The following GRIP1 variants were observed in gnomAD, a reference collection of about 807,000 sequenced individuals.
GRIP1 encodes glutamate receptor-interacting protein 1.
In GRIP1, 45 loss-of-function variants were observed where a neutral mutation model predicts 129.9. The ratio of observed to expected loss-of-function variants is 0.35; its 90% CI spans 0.27 to 0.44. The LOEUF (loss-of-function observed/expected upper bound fraction) is 0.44. GRIP1 is among the 20% of genes least tolerant of loss of function. The pLI, the probability that GRIP1 is intolerant of heterozygous loss-of-function variation, is 1.00. For synonymous variants in GRIP1, 530 were observed against 520.8 expected, an observed-to-expected ratio of 1.02 and a Z score of -0.24; for missense variants, 1,196 against 1,396.8, an observed-to-expected ratio of 0.86 and a Z score of 2.29.
chr12:66,443,878 T>C (rs1452596171), intron 13 of GRIP1, among the ~76,000 whole-genome samples: 23 of 152,236 alleles, frequency 1.5e-4, no homozygotes, highest in Non-Finnish European at 5.9e-5. Flanking sequence ...CCAACTGGGC[T>C]TGTTTAAATA....
chr12:66,665,347 T>G (rs1467037919), intron 1 of GRIP1, among the ~76,000 whole-genome samples: 1 of 152,164 alleles, frequency 6.6e-6, no homozygotes, highest in Non-Finnish European at 1.5e-5. Context: ...ACACAAAGAA[T>G]AGTACACAAT....
chr12:66,590,027 G>C (rs1305948266), intron 2 of GRIP1, among the ~76,000 whole-genome samples: 1 of 152,044 alleles, frequency 6.6e-6, no homozygotes, highest in East Asian at 1.9e-4. Flanking sequence ...GTAATAGAGG[G>C]AAGAGACTTT....
Position 66,767,365 on chromosome 12 carries a change from G to A in GRIP1, c.-420+36688C>T, listed in dbSNP as rs189964909. 8.5e-5 allele frequency among the ~76,000 whole-genome samples: 13 copies of A among 152,114 alleles called. No homozygotes were observed. In the East Asian group the frequency reaches 2.3e-3, roughly 27 times the overall value. On this transcript the variant is annotated intron_variant, in intron 1 of 4. Transcript: ENST00000538373. ...CAAAAGAAGCATCTAAGGACAAGAG[G>A]CTTAGGAAAAAACAAAGCCACAAAG... is the stretch of plus-strand genomic sequence containing the variant.
Position 66,942,708 on chromosome 12 carries a change from T to C in GRIP1, c.58+126342A>G, listed in dbSNP as rs140840333. On this transcript the variant is annotated intron_variant, in intron 1 of 1. Transcript: ENST00000643019. ...CTGTGACTTGGTAAAGAGGGGGCAG[T>C]GTAATGGACTGCATGTTTGTGTCCC... 5.3e-5 allele frequency among the ~76,000 whole-genome samples: 8 copies of C among 152,256 alleles called. No homozygotes were observed. The East Asian group carries it at 1.5e-3, about 29-fold the overall frequency.
chr12:66,546,641 C>G (rs150122618), intron 2 of GRIP1, among the ~76,000 whole-genome samples: 2,926 of 152,168 alleles, frequency 0.019, 49 homozygotes, highest in Non-Finnish European at 0.029. Flanking sequence ...GAAAGGTAGC[C>G]TATTCAACAA....
At chr12:66,508,482 G>A (rs761330175) in intron 7 of GRIP1, among the ~76,000 whole-genome samples, 3 of 152,136 alleles carry the variant, frequency 2.0e-5, no homozygotes, top group Non-Finnish European at 4.4e-5. Context: ...AAGTATTACA[G>A]AGAGTGCTCC....
chr12:67,045,355 G>A (rs957713931), intron 1 of GRIP1, among the ~76,000 whole-genome samples: 3 of 152,144 alleles, frequency 2.0e-5, no homozygotes, highest in Non-Finnish European at 4.4e-5. Flanking sequence ...AAGAAAGCAG[G>A]AGAATCCTGA....
At chr12:66,751,914 T>G (rs2037136773) in intron 1 of GRIP1, among the ~76,000 whole-genome samples, 1 of 152,132 alleles carries the variant, frequency 6.6e-6, no homozygotes, top group Admixed American at 6.6e-5. Context: ...GTGACTTACA[T>G]CACCTTGCTG....
At chr12:66,373,075 A>AATTTATTT (rs563984206) in intron 22 of GRIP1, among the ~76,000 whole-genome samples, 1 of 151,834 alleles carries the variant, frequency 6.6e-6, no homozygotes, top group Non-Finnish European at 1.5e-5. Context: ...TACTTCTCTC[A>AATTTATTT]ATTTATTTAT....
intron 23 of GRIP1, 64 bp from the exon 24 acceptor site, chr12:66,353,627 TTGA>T: frequency 3.6e-6 from 5 of 1,387,034 alleles, no homozygotes; most frequent in Non-Finnish European, 5.1e-6. Context: ...CTGCAACTTC[TTGA>T]TGAACAATCT....
At chr12:66,653,834 C>T (rs780038263) in intron 1 of GRIP1, among the ~76,000 whole-genome samples, 2 of 152,182 alleles carry the variant, frequency 1.3e-5, no homozygotes, top group African/African-American at 2.4e-5. Flanking sequence ...GTGGACCAAA[C>T]TTTGAACTGA....
At chr12:66,545,478 TAGAAG>T (rs1273581717) in intron 2 of GRIP1, among the ~76,000 whole-genome samples, 1 of 152,204 alleles carries the variant, frequency 6.6e-6, no homozygotes, top group Non-Finnish European at 1.5e-5. Context: ...AAGGTTATTA[TAGAAG>T]AGAAGGCCCC....
intron 15 of GRIP1, among the ~76,000 whole-genome samples, chr12:66,416,470 G>A (rs189698245): frequency 1.2e-4 from 18 of 152,102 alleles, no homozygotes; most frequent in Admixed American, 1.1e-3. Flanking sequence ...GAAACAAAAT[G>A]TTTTTAAAAA....
Position 67,034,736 on chromosome 12 carries a change from C to T in GRIP1, c.58+34314G>A, listed in dbSNP as rs1228838916. Among the ~76,000 whole-genome samples the T allele has an allele frequency of 2.6e-5, 4 of 152,124 alleles. No homozygotes were observed. In the East Asian group the frequency reaches 7.7e-4, roughly 29 times the overall value. The stretch of plus-strand genomic sequence containing the variant: ...CAGCATCACAACAAACACGAGTAAC[C>T]CACTGTGCTATGATGCTCTGACAGC... On this transcript the variant is annotated intron_variant, in intron 1 of 1. Transcript: ENST00000643019.
At chr12:66,972,535 T>C (rs1024007244) in intron 1 of GRIP1, among the ~76,000 whole-genome samples, 4 of 152,212 alleles carry the variant, frequency 2.6e-5, no homozygotes, top group African/African-American at 9.7e-5. Flanking sequence ...GAATTTTTTA[T>C]TTTATTTAAT....
chr12:66,682,922 T>A, upstream of GRIP1, among the ~76,000 whole-genome samples: 1 of 152,178 alleles, frequency 6.6e-6, no homozygotes, highest in East Asian at 1.9e-4. Context: ...TATTTGCTTA[T>A]TCATTTAACT....
intron 1 of GRIP1, among the ~76,000 whole-genome samples, chr12:66,678,546 G>A (rs186884588): frequency 1.3e-5 from 2 of 151,614 alleles, no homozygotes; most frequent in Non-Finnish European, 2.9e-5. Context: ...GCAAAATGAC[G>A]GTTTCCCACA....
intron 7 of GRIP1, among the ~76,000 whole-genome samples, chr12:66,509,772 G>C (rs1228732675): frequency 6.6e-6 from 1 of 152,022 alleles, no homozygotes; most frequent in Non-Finnish European, 1.5e-5. Flanking sequence ...ACATGGAGGG[G>C]AACAACACAC....
intron 1 of GRIP1, among the ~76,000 whole-genome samples, chr12:66,828,336 T>C (rs2039454829): frequency 6.6e-6 from 1 of 152,218 alleles, no homozygotes; most frequent in South Asian, 2.1e-4. Flanking sequence ...ATACTTGGAA[T>C]TGTTGACACT....
Sources: allele counts gnomAD v4.1 joint callset (sites outside exome capture counted in the v4.1 genomes callset), GRCh38; gene constraint gnomAD v4.1.1; transcripts MANE v1.5; gene names NCBI Gene and HGNC (gene_info 2026-07-23, HGNC 2026-07-21).